XRN1: variants seen among roughly 807,000 people sequenced by gnomAD.
XRN1 encodes the protein strand-exchange protein 1 homolog.
In XRN1, 67 loss-of-function variants were observed where a neutral mutation model predicts 222.3. The ratio of observed to expected loss-of-function variants is 0.30; its 90% confidence interval spans 0.25 to 0.37. The LOEUF (loss-of-function observed/expected upper bound fraction) is 0.37. Among genes scored for constraint, XRN1 ranks in the 10% least tolerant of loss-of-function variants. The pLI is 1.00. For synonymous variants in XRN1, 643 were observed against 652.4 expected (o/e 0.99, Z 0.22); for missense variants, 1,707 against 2,000.2 (o/e 0.85, Z 2.80).
rs748594863 is a variant in XRN1, at chr3:142,425,292, C to G, written c.557G>C (p.Arg186Thr). The stretch of plus-strand genomic sequence containing the variant: ...ATGATCTGGCTTTGCTTTCTCGGAT[C>G]TGATAAATTCCATGATTTTATGCTC... The part of the protein sequence containing the change: ...EGEHKIMEFI[R>T]SEKAKPDHDP... The change falls in exon 5 of 41, where the codon AGA becomes ACA. Residue 186 changes from arginine (R) to threonine (T), a missense_variant. Around this residue, in one of 2 missense-constraint regions of XRN1, gnomAD observed 1,234 missense variants for 1,518.2 expected, o/e 0.81. Coordinates refer to ENST00000392981, the MANE Select transcript of XRN1 (RefSeq NM_001282857.2). 1.2e-6 allele frequency: 2 copies of G among 1,607,668 alleles called. No individual in the cohort carries two copies. The highest frequency in any genetic ancestry group is 1.7e-5 in the Admixed American group (1 of 59,296).
At chr3:142,444,093 G>C (rs1559891955) in intron 1 of XRN1, among the ~76,000 whole-genome samples, 1 of 152,298 alleles carries the variant, frequency 6.6e-6, no homozygotes, top group East Asian at 1.9e-4. Flanking sequence ...AAGGGTAGTC[G>C]GGGAGTCAGG....
intron 1 of XRN1, among the ~76,000 whole-genome samples, chr3:142,442,772 T>C (rs2070285597): frequency 6.6e-6 from 1 of 152,160 alleles, no homozygotes; most frequent in Non-Finnish European, 1.5e-5. Flanking sequence ...CTCGCTCTGT[T>C]GCCCAGGCTG....
intron 34 of XRN1, among the ~76,000 whole-genome samples, chr3:142,334,449 T>A (rs1321555163): frequency 6.6e-6 from 1 of 151,894 alleles, no homozygotes; most frequent in Non-Finnish European, 1.5e-5. Context: ...CGTGTCAAAT[T>A]TTTTTAGATC....
intron 2 of XRN1, among the ~76,000 whole-genome samples, chr3:142,428,343 C>T (rs1275659330): frequency 1.4e-5 from 2 of 146,114 alleles, no homozygotes; most frequent in Middle Eastern, 3.4e-3. Flanking sequence ...CATAGTGAGC[C>T]GAGATCACAT....
intron 33 of XRN1, among the ~76,000 whole-genome samples, chr3:142,336,014 T>G (rs1183283162): frequency 2.0e-5 from 3 of 152,236 alleles, no homozygotes; most frequent in Non-Finnish European, 4.4e-5. Flanking sequence ...CATAGCCTAT[T>G]GGCTAAATAG....
intron 18 of XRN1, among the ~76,000 whole-genome samples, chr3:142,401,453 G>A (rs1302691067): frequency 1.3e-5 from 2 of 152,200 alleles, no homozygotes; most frequent in East Asian, 1.9e-4. Context: ...TGTGGCTCAC[G>A]CCTGTAATCC....
intron 25 of XRN1, among the ~76,000 whole-genome samples, chr3:142,371,981 G>C (rs1014180573): frequency 6.6e-6 from 1 of 152,170 alleles, no homozygotes; most frequent in South Asian, 2.1e-4. Flanking sequence ...AACTACCAGT[G>C]GGGGAAGTCA....
chr3:142,372,894 C>T (rs886556371), intron 25 of XRN1, among the ~76,000 whole-genome samples: 3 of 152,202 alleles, frequency 2.0e-5, no homozygotes, highest in African/African-American at 7.2e-5. Flanking sequence ...GGTAGTGATA[C>T]TAGGAGGTCC....
chr3:142,345,795 T>G (rs1399432691), intron 33 of XRN1, among the ~76,000 whole-genome samples: 1 of 152,256 alleles, frequency 6.6e-6, no homozygotes, highest in Non-Finnish European at 1.5e-5. Flanking sequence ...TGCTCAACAT[T>G]ATTAGTCATT....
At chr3:142,341,811 A>G (rs142965160) in intron 33 of XRN1, among the ~76,000 whole-genome samples, 71 of 152,320 alleles carry the variant, frequency 4.7e-4, no homozygotes, top group African/African-American at 1.5e-3. Context: ...GACAAAAACA[A>G]TAAGACACAA....
chr3:142,354,007 C>T (rs936162059), intron 32 of XRN1, among the ~76,000 whole-genome samples: 6 of 151,980 alleles, frequency 3.9e-5, no homozygotes, highest in African/African-American at 7.2e-5. Flanking sequence ...AAAATGGGCA[C>T]AAGATGCTTG....
intron 8 of XRN1, among the ~76,000 whole-genome samples, chr3:142,422,335 T>C (rs73238185): frequency 0.12 from 18,223 of 151,808 alleles, 1,112 homozygotes; most frequent in Non-Finnish European, 0.14. Flanking sequence ...AAAAAATAAA[T>C]AAATAATAAA....
chr3:142,434,506 TAC>T (rs1399908668), intron 1 of XRN1, among the ~76,000 whole-genome samples: 1 of 141,886 alleles, frequency 7.0e-6, no homozygotes, highest in Non-Finnish European at 1.5e-5. Context: ...TTTTTTTTTT[TAC>T]ACTTTTTTTT....
Position 142,447,986 on chromosome 3 carries a change from C to G in XRN1, c.-42G>C. 6.2e-7 allele frequency: 1 copy of G among 1,602,322 alleles called. No individual in the cohort carries two copies. The highest frequency in any genetic ancestry group is 8.5e-7 in the Non-Finnish European group (1 of 1,172,226). ...AATCCCAGTCAGGGCCAAACCGAAACCAAACGCCCCGCCGGGGCTCCGCCG... is the reference window on the plus strand; with the variant it reads ...AATCCCAGTCAGGGCCAAACCGAAAGCAAACGCCCCGCCGGGGCTCCGCCG... On this transcript the variant is annotated 5_prime_UTR_variant, in exon 1 of 41. Coordinates refer to ENST00000392981, the MANE Select transcript of XRN1 (RefSeq NM_001282857.2). The surrounding 1 kb of genome is among the most constrained non-coding windows in gnomAD (Gnocchi z 4.2).
At chr3:142,406,069 AAG>A (rs951346657) in intron 15 of XRN1, among the ~76,000 whole-genome samples, 12 of 152,296 alleles carry the variant, frequency 7.9e-5, no homozygotes, top group African/African-American at 2.6e-4. Context: ...GAAAAAAAGA[AAG>A]AGAAATGGGG....
At chr3:142,438,280 G>A (rs1287504777) in intron 1 of XRN1, among the ~76,000 whole-genome samples, 1 of 151,822 alleles carries the variant, frequency 6.6e-6, no homozygotes, top group Non-Finnish European at 1.5e-5. Flanking sequence ...GGGGAGTTAC[G>A]CACCCTGGAA....
intron 20 of XRN1, among the ~76,000 whole-genome samples, chr3:142,388,970 C>A (rs895356442): frequency 5.9e-5 from 9 of 152,148 alleles, no homozygotes; most frequent in African/African-American, 1.9e-4. Flanking sequence ...CACTTTGGCA[C>A]GTTGGGAGGC....
intron 5 of XRN1, 49 bp from the exon 6 acceptor site, chr3:142,423,691 T>C (rs759067561): frequency 7.0e-7 from 1 of 1,424,970 alleles, no homozygotes; most frequent in Non-Finnish European, 9.4e-7. Flanking sequence ...TTTTTAATAA[T>C]ATTAGGTTCA....
chr3:142,415,578 C>T (rs2068752760), intron 13 of XRN1, among the ~76,000 whole-genome samples: 1 of 152,116 alleles, frequency 6.6e-6, no homozygotes, highest in South Asian at 2.1e-4. Context: ...ATGTAAGTTA[C>T]AACAGGAATA....
Sources: gnomAD v4.1 joint callset for allele counts (sites outside exome capture counted in the v4.1 genomes callset) on GRCh38, gnomAD v4.1.1 for gene constraint, gnomAD v4.1.1 regional missense constraint, Gnocchi (gnomAD v3.1) non-coding constraint, MANE v1.5 for transcripts, NCBI Gene and HGNC (gene_info 2026-07-23, HGNC 2026-07-21) for gene names.